The following POLN variants were observed in gnomAD, a reference collection of about 807,000 sequenced individuals.
POLN encodes DNA polymerase nu.
POLN carries 108 observed loss-of-function variants against 113.5 expected under a neutral mutation model. The observed-to-expected ratio is 0.95, with a 90% CI of 0.81 to 1.12. The LOEUF (loss-of-function observed/expected upper bound fraction) is 1.12, where lower values mean the gene tolerates loss of function less well. Ranked by LOEUF, POLN falls within the 50% of genes most tolerant of loss-of-function variation. POLN has a pLI of 0.00. For synonymous variants in POLN, 386 were observed against 391.5 expected (o/e 0.99, Z 0.17); for missense variants, 1,097 against 1,077.1 (o/e 1.02, Z -0.26).
intron 3 of POLN, among the ~76,000 whole-genome samples, chr4:2,215,730 C>T (rs556780784): frequency 1.2e-4 from 18 of 152,302 alleles, no homozygotes; most frequent in African/African-American, 4.3e-4. Context: ...TAGCCACTTG[C>T]TTCAGGGACG....
intron 21 of POLN, among the ~76,000 whole-genome samples, chr4:2,084,038 G>A (rs902023387): frequency 6.6e-6 from 1 of 152,198 alleles, no homozygotes; most frequent in Non-Finnish European, 1.5e-5. Context: ...GGCCAGAGAG[G>A]CATCTGAGAT....
chr4:2,199,343 T>A (rs1307564118), intron 5 of POLN, among the ~76,000 whole-genome samples: 1 of 152,136 alleles, frequency 6.6e-6, no homozygotes, highest in African/African-American at 2.4e-5. Flanking sequence ...ATAATAATGT[T>A]TGTCCTTTAT....
chr4:2,240,023 A>G (rs1479772989), intron 2 of POLN: 3 of 1,598,032 alleles, frequency 1.9e-6, no homozygotes, highest in Non-Finnish European at 2.6e-6. Context: ...ATCCAATCTC[A>G]TTTCTTATGC....
At chr4:2,202,203 C>G (rs558385211) in intron 5 of POLN, among the ~76,000 whole-genome samples, 1 of 152,072 alleles carries the variant, frequency 6.6e-6, no homozygotes, top group Admixed American at 6.6e-5. Flanking sequence ...TCAATACTAA[C>G]GTTGAATGTA....
At chr4:2,136,743 G>A (rs1445816394) in intron 16 of POLN, among the ~76,000 whole-genome samples, 1 of 152,184 alleles carries the variant, frequency 6.6e-6, no homozygotes, top group Non-Finnish European at 1.5e-5. Flanking sequence ...TGTGGGCCTG[G>A]GTATCTTCAT....
chr4:2,209,045 A>C (rs1733926474), intron 4 of POLN, among the ~76,000 whole-genome samples: 1 of 152,168 alleles, frequency 6.6e-6, no homozygotes, highest in Admixed American at 6.5e-5. Flanking sequence ...AGTGCATGTA[A>C]TGAGACATGT....
rs560522168 is a variant in POLN, at chr4:2,203,054, T to C, written c.715-4337A>G. 4.1e-4 allele frequency among the ~76,000 whole-genome samples: 63 copies of C among 152,288 alleles called. 2 individuals carry two copies. The South Asian group carries it at 0.013, about 31-fold the overall frequency. ...AACAACCACAGAATATACATTCTATTCATCAGTGCATGGAACTTTCTCCAA... is the reference window on the plus strand; with the variant it reads ...AACAACCACAGAATATACATTCTATCCATCAGTGCATGGAACTTTCTCCAA... On this transcript the variant is annotated intron_variant, in intron 5 of 25. Coordinates refer to ENST00000511885, the MANE Select transcript of POLN (RefSeq NM_181808.4).
rs147283829 is a variant in POLN at position 2,151,237 on chromosome 4, G to T, written c.1731+5551C>A. Among the ~76,000 whole-genome samples, 289 of 152,290 alleles carry T rather than the reference G, an allele frequency of 1.9e-3. 3 individuals are homozygous for T. The highest frequency in any genetic ancestry group is 6.8e-3 in the African/African-American group (281 of 41,552). ...AGGACTCTCAGCAGTAGTGATCAGG[G>T]TAATGCAATGAAAACTGCAATGAGA... On this transcript the variant is annotated intron_variant, in intron 16 of 25. Transcript: ENST00000511885.
intron 19 of POLN, among the ~76,000 whole-genome samples, chr4:2,122,879 G>A (rs1263202140): frequency 1.3e-5 from 2 of 152,156 alleles, no homozygotes; most frequent in African/African-American, 2.4e-5. Context: ...CAGACCAGGG[G>A]CGGTAGCTCA....
Position 2,125,775 on chromosome 4 carries a change from G to A in POLN, c.1982+2338C>T, listed in dbSNP as rs189890256. ...TGCCCAGGAGGAGCTGGAGCTGACT[G>A]GGTCTCAGTGCTTTTGGAGCTCAGT... On this transcript the variant is annotated intron_variant, in intron 19 of 25. Coordinates refer to ENST00000511885, the MANE Select transcript of POLN (RefSeq NM_181808.4). 5.4e-4 allele frequency among the ~76,000 whole-genome samples: 83 copies of A among 152,310 alleles called. 3 individuals carry two copies. The highest frequency in any genetic ancestry group is 1.0e-4 in the Non-Finnish European group (7 of 68,030).
At chr4:2,226,033 G>A (rs893138818) in intron 3 of POLN, among the ~76,000 whole-genome samples, 5 of 152,138 alleles carry the variant, frequency 3.3e-5, no homozygotes, top group Non-Finnish European at 5.9e-5. Context: ...GTTCTGAGGT[G>A]AATGGTCTCA....
At chr4:2,238,486 G>A in intron 2 of POLN, 1 of 565,284 alleles carries the variant, frequency 1.8e-6, no homozygotes, top group Non-Finnish European at 2.9e-6. Context: ...AAATAGAAAG[G>A]CCAAAAGTGA....
At chr4:2,144,941 A>T (rs1427414795) in intron 16 of POLN, among the ~76,000 whole-genome samples, 1 of 152,234 alleles carries the variant, frequency 6.6e-6, no homozygotes, top group Non-Finnish European at 1.5e-5. Context: ...AAAGAGTGGT[A>T]AGAATATGGA....
chr4:2,072,491 A>G (rs1339500644), intron 25 of POLN, among the ~76,000 whole-genome samples, 192 bp from the exon 26 acceptor site: 1 of 152,172 alleles, frequency 6.6e-6, no homozygotes, highest in Non-Finnish European at 1.5e-5. Flanking sequence ...GGCTTATGCC[A>G]CATCCACCTC....
At chr4:2,221,896 G>T (rs1734261547) in intron 3 of POLN, among the ~76,000 whole-genome samples, 1 of 152,046 alleles carries the variant, frequency 6.6e-6, no homozygotes, top group Non-Finnish European at 1.5e-5. Flanking sequence ...ATTCTAACCT[G>T]GAAGCCCCCT....
At chr4:2,229,330 A>G (rs1430216825) in intron 2 of POLN, 87 bp from the exon 3 acceptor site, 2 of 1,052,692 alleles carry the variant, frequency 1.9e-6, no homozygotes, top group Non-Finnish European at 2.6e-6. Flanking sequence ...AAAAATTTAT[A>G]TACCAACTTT....
At chr4:2,161,202 T>A (rs927364631) in intron 13 of POLN, among the ~76,000 whole-genome samples, 3 of 152,218 alleles carry the variant, frequency 2.0e-5, no homozygotes, top group African/African-American at 7.2e-5. Flanking sequence ...ACCGCCACAC[T>A]GTGGGAGCCC....
chr4:2,112,049 T>C (rs1320501746), intron 19 of POLN, among the ~76,000 whole-genome samples: 6 of 152,018 alleles, frequency 3.9e-5, no homozygotes, highest in Admixed American at 1.3e-4. Context: ...TATAGACCAA[T>C]GGAACAGAAC....
intron 5 of POLN, among the ~76,000 whole-genome samples, chr4:2,202,454 A>G (rs1295912087): frequency 6.6e-6 from 1 of 152,094 alleles, no homozygotes; most frequent in Non-Finnish European, 1.5e-5. Context: ...AGAGGAGACC[A>G]GACTCATGCC....
Sources: allele counts gnomAD v4.1 joint callset (sites outside exome capture counted in the v4.1 genomes callset), GRCh38; gene constraint gnomAD v4.1.1; transcripts MANE v1.5; gene names NCBI Gene and HGNC (gene_info 2026-07-23, HGNC 2026-07-21).